Variants in USP37 observed in about 807,000 individuals in gnomAD.
The protein encoded by USP37 is ubiquitin specific peptidase 37, also known as ubiquitin carboxyl-terminal hydrolase 37.
In USP37, 27 loss-of-function variants were observed where a neutral mutation model predicts 124.0. That is an observed-to-expected ratio of 0.22 (90% CI 0.16 to 0.30). USP37 has a LOEUF of 0.30. Ranked by LOEUF, USP37 falls within the 10% of genes least tolerant of loss-of-function variation. USP37 has a pLI of 1.00. For missense variants in USP37, 889 were observed against 1,140.4 expected (o/e 0.78, Z 3.17); for synonymous variants, 365 against 388.0 (o/e 0.94, Z 0.70).
At chr2:218,497,911 T>C in intron 12 of USP37, 54 bp from the exon 13 acceptor site, 2 of 1,587,282 alleles carry the variant, frequency 1.3e-6, no homozygotes, top group Non-Finnish European at 8.6e-7. Context: ...TGGCGTGATA[T>C]TTTAAAGAAT....
chr2:218,533,896 T>C (rs1276543048), intron 9 of USP37, among the ~76,000 whole-genome samples: 2 of 152,222 alleles, frequency 1.3e-5, no homozygotes, highest in Non-Finnish European at 2.9e-5. Context: ...AAAAATGTTT[T>C]TGTAAAAACA....
rs58779298 is a variant in USP37 at position 218,529,883 on chromosome 2, C to T, written c.863+73G>A. ...TTCACTTAAGAGGATAATACATAACCTATCCAATCATTCAATATTCTGAAA... is the reference window on the plus strand; with the variant it reads ...TTCACTTAAGAGGATAATACATAACTTATCCAATCATTCAATATTCTGAAA... On this transcript the variant is annotated intron_variant, in intron 10 of 25. Transcript: ENST00000258399. 6.7e-3 allele frequency: 7,828 copies of T among 1,166,156 alleles called. 347 individuals carry two copies. In the African/African-American group the frequency reaches 0.1, roughly 15 times the overall value. 72.2% of individuals were successfully genotyped at this position (1,166,156 alleles called of 1,614,324 possible). A position where few individuals can be genotyped will look rare whatever the true frequency, so the allele number is the denominator to read the frequency against.
chr2:218,499,744 T>G (rs1340815754), intron 11 of USP37, among the ~76,000 whole-genome samples: 2 of 152,180 alleles, frequency 1.3e-5, no homozygotes, highest in African/African-American at 2.4e-5. Flanking sequence ...TACATGACAC[T>G]GACATTTTTG....
intron 21 of USP37, among the ~76,000 whole-genome samples, chr2:218,465,022 T>C (rs1385894975): frequency 1.3e-5 from 2 of 151,878 alleles, no homozygotes; most frequent in Admixed American, 6.6e-5. Context: ...GAGGCTGCAG[T>C]GAGGAATGAT....
rs201722210 is a variant in USP37, at chr2:218,497,888, G to A, written c.1158-31C>T. 2.8e-4 allele frequency: 456 copies of A among 1,605,726 alleles called. 1 individual carries two copies. Among genetic ancestry groups the A allele is most frequent in the Non-Finnish European group, 2.5e-4 (290 of 1,176,510 alleles). On this transcript the variant is annotated intron_variant, in intron 12 of 25. Coordinates refer to ENST00000258399, the MANE Select transcript of USP37 (RefSeq NM_020935.3). ...AAAACAAAAAACACAAAGTTAGCAC[G>A]TTTTACATGACATGGCGTGATATTT...
rs1249569041 is a variant in USP37, at chr2:218,451,342, T to C, written c.*3588A>G. ...ATCCATATGTACTTGGAGATCCAGC[T>C]GTTGCCCCCTGTTTAAAACAAAAGA... On this transcript the variant is annotated 3_prime_UTR_variant, in exon 26 of 26. Coordinates refer to ENST00000258399, the MANE Select transcript of USP37 (RefSeq NM_020935.3). The C allele has an allele frequency of 6.6e-6, 1 of 152,220 alleles. No homozygotes were observed. The highest frequency in any genetic ancestry group is 1.5e-5 in the Non-Finnish European group (1 of 68,038). 9.4% of individuals were successfully genotyped at this position (152,220 alleles called of 1,614,324 possible). A position where few individuals can be genotyped will look rare whatever the true frequency, so the allele number is the denominator to read the frequency against.
chr2:218,537,233 C>A (rs894278058), intron 8 of USP37, among the ~76,000 whole-genome samples: 1 of 152,166 alleles, frequency 6.6e-6, no homozygotes, highest in African/African-American at 2.4e-5. Flanking sequence ...TGGGGCTAGT[C>A]CTGTGATTTC....
intron 17 of USP37, among the ~76,000 whole-genome samples, chr2:218,480,818 C>T (rs1359173522): frequency 6.6e-6 from 1 of 152,138 alleles, no homozygotes; most frequent in Non-Finnish European, 1.5e-5. Flanking sequence ...AATAGCTCTA[C>T]CAGCAGAAGG....
At chr2:218,562,181 C>T (rs1693348528) in intron 2 of USP37, among the ~76,000 whole-genome samples, 1 of 152,194 alleles carries the variant, frequency 6.6e-6, no homozygotes, top group South Asian at 2.1e-4. Flanking sequence ...ATTATCAGGG[C>T]TTGCTCTACT....
At chr2:218,489,141 T>C (rs1360944947) in intron 14 of USP37, among the ~76,000 whole-genome samples, 1 of 151,356 alleles carries the variant, frequency 6.6e-6, no homozygotes, top group Non-Finnish European at 1.5e-5. Context: ...GTGGATTACC[T>C]GAGGTCAGGA....
At chr2:218,481,951 GC>G in intron 17 of USP37, 118 bp downstream of exon 17, 1 of 1,186,220 alleles carries the variant, frequency 8.4e-7, no homozygotes, top group Non-Finnish European at 1.2e-6. Context: ...ACTGCATCTG[GC>G]CATTGATCTG....
chr2:218,550,085 T>C (rs1692581043), intron 5 of USP37, among the ~76,000 whole-genome samples, 176 bp from the exon 6 acceptor site: 1 of 152,058 alleles, frequency 6.6e-6, no homozygotes, highest in Non-Finnish European at 1.5e-5. Flanking sequence ...ACATCTTATA[T>C]AAACTAAAAT....
chr2:218,542,662 A>G (rs1692053718), intron 8 of USP37, among the ~76,000 whole-genome samples: 1 of 152,154 alleles, frequency 6.6e-6, no homozygotes, highest in African/African-American at 2.4e-5. Context: ...ATAGATTCCA[A>G]TTCAGCTGTT....
intron 16 of USP37, among the ~76,000 whole-genome samples, chr2:218,484,330 C>G: frequency 6.6e-6 from 1 of 151,772 alleles, no homozygotes; most frequent in East Asian, 1.9e-4. Flanking sequence ...TCTTTAAAAC[C>G]AACTTCCTTG....
At chr2:218,519,472 G>T (rs1035947844) in intron 10 of USP37, among the ~76,000 whole-genome samples, 1 of 152,102 alleles carries the variant, frequency 6.6e-6, no homozygotes, top group East Asian at 1.9e-4. Flanking sequence ...ATATTGGTAG[G>T]TCCTAGCCTC....
chr2:218,483,424 T>G (rs1436315761), intron 16 of USP37, among the ~76,000 whole-genome samples: 13 of 151,980 alleles, frequency 8.6e-5, no homozygotes, highest in Non-Finnish European at 1.9e-4. Context: ...TGGCTTTGAA[T>G]ATTAAACTGA....
In USP37 at chr2:218,558,680, A is replaced by G; in HGVS notation, c.-24-3T>C. On this transcript the variant is annotated splice_polypyrimidine_tract_variant and splice_region_variant and intron_variant, in intron 3 of 25. Coordinates refer to ENST00000258399, the MANE Select transcript of USP37 (RefSeq NM_020935.3). The stretch of plus-strand genomic sequence containing the variant: ...TTTTCTTTAAAAATTGCTTCTGGCT[A>G]AATTAAAAAGCAAAAATATACCTTT... The G allele has an allele frequency of 1.9e-6, 3 of 1,578,822 alleles. No homozygotes were observed. The highest frequency in any genetic ancestry group is 1.2e-5 in the South Asian group (1 of 85,686).
At chr2:218,497,354 A>G (rs986324421) in intron 13 of USP37, among the ~76,000 whole-genome samples, 3 of 151,064 alleles carry the variant, frequency 2.0e-5, no homozygotes, top group Non-Finnish European at 4.4e-5. Context: ...TATAGGCGTG[A>G]GCCACCGCAC....
At chr2:218,480,650 T>A (rs2105973779) in intron 17 of USP37, among the ~76,000 whole-genome samples, 1 of 152,344 alleles carries the variant, frequency 6.6e-6, no homozygotes, top group Middle Eastern at 3.4e-3. Flanking sequence ...TATTATTACC[T>A]CATTTAATGT....
Sources: gnomAD v4.1 joint callset for allele counts (sites outside exome capture counted in the v4.1 genomes callset) on GRCh38, gnomAD v4.1.1 for gene constraint, MANE v1.5 for transcripts, NCBI Gene and HGNC (gene_info 2026-07-23, HGNC 2026-07-21) for gene names.